HERC3: variants seen among roughly 807,000 people sequenced by gnomAD.
HERC3 encodes probable E3 ubiquitin-protein ligase HERC3.
Under a neutral mutation model 129.9 loss-of-function variants are expected in HERC3, and 58 were observed. The ratio of observed to expected loss-of-function variants is 0.45; its 90% CI spans 0.36 to 0.56. The LOEUF (loss-of-function observed/expected upper bound fraction) is 0.56, where lower values mean the gene tolerates loss of function less well. HERC3 is among the 20% of genes least tolerant of loss of function. HERC3 has a pLI of 0.00. For missense variants in HERC3, 835 were observed against 1,244.2 expected, an observed-to-expected ratio of 0.67 and a Z score of 4.95; for synonymous variants, 430 against 451.0, an observed-to-expected ratio of 0.95 and a Z score of 0.59.
At chr4:88,586,142 T>C in the HERC3 span, among the ~76,000 whole-genome samples, 1 of 152,234 alleles carries the variant, frequency 6.6e-6, no homozygotes, top group South Asian at 2.1e-4. Flanking sequence ...TGTTGCACAA[T>C]TGTTTATAGC....
chr4:88,577,605 G>GTATATATATA, the HERC3 span, among the ~76,000 whole-genome samples: 1 of 131,834 alleles, frequency 7.6e-6, no homozygotes, highest in Non-Finnish European at 1.5e-5. Context: ...GTATGTGTGT[G>GTATATATATA]TATATATATA....
chr4:88,642,700 C>T (rs990439048), intron 3 of HERC3, among the ~76,000 whole-genome samples: 2 of 152,186 alleles, frequency 1.3e-5, no homozygotes, highest in African/African-American at 2.4e-5. Context: ...GGGCACTAAT[C>T]TCAACCATGA....
rs778196310 is a variant in HERC3, at chr4:88,652,925, G to A, written c.520G>A (p.Glu174Lys). The A allele has an allele frequency of 3.1e-6, 5 of 1,613,936 alleles. No individual in the cohort carries two copies. In the South Asian group the frequency reaches 5.5e-5, roughly 18 times the overall value. ...CCATGGGCAGCTTGGCTTAGGGAAG[G>A]AGTTCCCCTCCCAAGCCAGCCCACA... ...NSHGQLGLGK[E>K]FPSQASPQRV... The change falls in exon 6 of 26, where the codon GAG becomes AAG. Residue 174 changes from glutamate to lysine, a missense_variant. Coordinates refer to ENST00000402738, the MANE Select transcript of HERC3 (RefSeq NM_014606.3).
intron 23 of HERC3, chr4:88,697,946 C>T: frequency 1.4e-6 from 1 of 703,484 alleles, no homozygotes; most frequent in Non-Finnish European, 2.4e-6. Context: ...GCCGTGTGCT[C>T]ATACTGCACC....
At chr4:88,562,550 G>C in the HERC3 span, among the ~76,000 whole-genome samples, 24,714 of 152,052 alleles carry the variant, frequency 0.16, 4,119 homozygotes, top group African/African-American at 0.43. Flanking sequence ...CTGTGCTTTG[G>C]GGGTATTACT....
At chr4:88,537,820 G>A in the HERC3 span, among the ~76,000 whole-genome samples, 2 of 152,166 alleles carry the variant, frequency 1.3e-5, no homozygotes, top group Admixed American at 6.5e-5. Flanking sequence ...GAAATCCATA[G>A]CACTGAATAT....
At position 88,653,076 on chromosome 4, in the gene HERC3, T is replaced by A. The variant is rs1273148309; in HGVS notation, c.671T>A (p.Leu224His). Residue 224 changes from leucine (L) to histidine (H), a missense_variant, in exon 6 of 26, where the codon CTC (leucine) becomes CAC (histidine). Physicochemically the swap from Leu to His is moderately conservative, Grantham distance 99 (BLOSUM62 -3). Coordinates refer to ENST00000402738, the MANE Select transcript of HERC3 (RefSeq NM_014606.3). ...ATGAATAATGCCGGGCAGCTAGGGC[T>A]CAGTGATGAAAAAGGTAGGTAAACC... ...WGMNNAGQLG[L>H]SDEKDRESPC... 3 of 1,614,046 alleles carry A rather than the reference T, an allele frequency of 1.9e-6. No individual in the cohort carries two copies. The highest frequency in any genetic ancestry group is 2.5e-6 in the Non-Finnish European group (3 of 1,180,032).
the HERC3 span, among the ~76,000 whole-genome samples, chr4:88,536,392 C>A: frequency 6.6e-6 from 1 of 152,196 alleles, no homozygotes; most frequent in African/African-American, 2.4e-5. Context: ...CCTTCCTTCT[C>A]CCTGCTTCCT....
intron 3 of HERC3, among the ~76,000 whole-genome samples, chr4:88,629,609 T>G (rs2149237263): frequency 6.6e-6 from 1 of 152,370 alleles, no homozygotes; most frequent in Admixed American, 6.5e-5. Context: ...GCTGGTGGTA[T>G]GTTATAAAAA....
the HERC3 span, among the ~76,000 whole-genome samples, chr4:88,558,756 G>A: frequency 6.6e-6 from 1 of 151,854 alleles, no homozygotes; most frequent in Non-Finnish European, 1.5e-5. Context: ...GAGGTCAGGA[G>A]ATCGAGACCA....
chr4:88,650,073 C>A, intron 4 of HERC3, 74 bp downstream of exon 4: 1 of 1,404,204 alleles, frequency 7.1e-7, no homozygotes, highest in Non-Finnish European at 9.8e-7. Context: ...CCTTGTTTTT[C>A]TTCTGTTTTC....
chr4:88,636,042 G>A (rs1727350537), intron 3 of HERC3, among the ~76,000 whole-genome samples: 1 of 152,010 alleles, frequency 6.6e-6, no homozygotes, highest in South Asian at 2.1e-4. Flanking sequence ...CCACTGCAAA[G>A]CACACAAAAA....
chr4:88,541,723 G>T, the HERC3 span, among the ~76,000 whole-genome samples: 3 of 152,164 alleles, frequency 2.0e-5, no homozygotes, highest in Non-Finnish European at 4.4e-5. Flanking sequence ...AAAAGTAAAA[G>T]AACAGAAATC....
At chr4:88,665,962 G>T (rs191659973) in intron 12 of HERC3, among the ~76,000 whole-genome samples, 1 of 152,294 alleles carries the variant, frequency 6.6e-6, no homozygotes, top group Non-Finnish European at 1.5e-5. Context: ...TAACATTTTT[G>T]GTTGGTACAA....
chr4:88,669,677 CTTT>C (rs1038742010), intron 14 of HERC3, among the ~76,000 whole-genome samples, 180 bp from the exon 15 acceptor site: 3 of 152,122 alleles, frequency 2.0e-5, no homozygotes, highest in Non-Finnish European at 4.4e-5. Flanking sequence ...TCCAGGGATT[CTTT>C]TACAGCTGTT....
At chr4:88,650,759 T>G (rs975140077) in intron 4 of HERC3, among the ~76,000 whole-genome samples, 1 of 152,256 alleles carries the variant, frequency 6.6e-6, no homozygotes, top group Admixed American at 6.5e-5. Context: ...TACAAAGATG[T>G]GAGCTATTAA....
At chr4:88,529,600 A>G in the HERC3 span, among the ~76,000 whole-genome samples, 1 of 152,172 alleles carries the variant, frequency 6.6e-6, no homozygotes, top group African/African-American at 2.4e-5. Context: ...CTAAAAATAG[A>G]AAAATTAGCC....
At chr4:88,634,710 C>T (rs1727171756) in intron 3 of HERC3, among the ~76,000 whole-genome samples, 1 of 151,500 alleles carries the variant, frequency 6.6e-6, no homozygotes, top group African/African-American at 2.4e-5. Context: ...CCGCCCCCGC[C>T]AACAGGGGTT....
intron 4 of HERC3, among the ~76,000 whole-genome samples, chr4:88,650,423 A>G (rs1209228293): frequency 6.6e-6 from 1 of 152,246 alleles, no homozygotes; most frequent in South Asian, 2.1e-4. Context: ...ACAAACAGCT[A>G]AAATACCAGA....
Sources: gnomAD v4.1 joint callset for allele counts (sites outside exome capture counted in the v4.1 genomes callset) on GRCh38, gnomAD v4.1.1 for gene constraint, MANE v1.5 for transcripts, NCBI Gene and HGNC (gene_info 2026-07-23, HGNC 2026-07-21) for gene names.